CDK11B: variants seen among roughly 807,000 people sequenced by gnomAD.
CDK11B encodes the protein cyclin-dependent kinase 11B.
In CDK11B, 37 loss-of-function variants were observed where a neutral mutation model predicts 84.0. The observed-to-expected ratio is 0.44, with a 90% CI of 0.34 to 0.58. The LOEUF (loss-of-function observed/expected upper bound fraction) is 0.58. CDK11B is among the 20% of genes least tolerant of loss of function. CDK11B has a pLI of 0.02. For missense variants in CDK11B, 427 were observed against 834.0 expected (o/e 0.51, Z 6.01); for synonymous variants, 269 against 309.8 (o/e 0.87, Z 1.38).
At chr1:1,648,391 G>A (rs147390666) in intron 5 of CDK11B, among the ~76,000 whole-genome samples, 4,509 of 152,074 alleles carry the variant, frequency 0.03, 133 homozygotes, top group African/African-American at 0.1. Context: ...TGCTCACCCC[G>A]CAGCGGTCTC....
intron 3 of CDK11B, among the ~76,000 whole-genome samples, chr1:1,655,077 A>C (rs1642564477): frequency 6.6e-6 from 1 of 152,120 alleles, no homozygotes; most frequent in African/African-American, 2.4e-5. Context: ...GTGAGCCACC[A>C]CACCTGGCCT....
In CDK11B at chr1:1,641,414, C is replaced by T. The variant is rs1166780890; in HGVS notation, c.1009+248G>A. On this transcript the variant is annotated intron_variant, in intron 9 of 19. Coordinates refer to ENST00000341832, the MANE Select transcript of CDK11B (RefSeq NM_033486.3). ...CTCCCAGCTACTTGGGAGGCTGAGG[C>T]GGGAGGATCACTTGAACCCGGGAGG... Among the ~76,000 whole-genome samples, 5 of 147,856 alleles carry T rather than the reference C, an allele frequency of 3.4e-5. No individual in the cohort carries two copies. The South Asian group carries it at 6.4e-4, about 19-fold the overall frequency.
rs1317097195 is a variant in CDK11B, at chr1:1,636,340, T to G, written c.2059A>C (p.Met687Leu). 1 of 1,571,588 alleles carries G rather than the reference T, an allele frequency of 6.4e-7. No individual in the cohort carries two copies. The highest frequency in any genetic ancestry group is 2.4e-5 in the East Asian group (1 of 42,316). Residue 687 changes from methionine to leucine, a missense_variant, in exon 18 of 20, where the codon ATG becomes CTG. Around this residue, in one of 12 missense-constraint regions of CDK11B, gnomAD observed 170 missense variants for 196.0 expected, o/e 0.87. Transcript: ENST00000341832. ...ALLSDQGFDL[M>L]NKFLTYFPGR... Reference sequence around the variant, plus strand: ...CGGCTGCACTGGGCTCACTTGTTCATGAGGTCGAAGCCCTGGTCTGAGAGC... The same window carrying G: ...CGGCTGCACTGGGCTCACTTGTTCAGGAGGTCGAAGCCCTGGTCTGAGAGC...
chr1:1,637,025 C>T (rs1639429635), intron 15 of CDK11B, 21 bp from the exon 16 acceptor site: 1 of 1,612,932 alleles, frequency 6.2e-7, no homozygotes, highest in African/African-American at 1.3e-5. Flanking sequence ...AGATGGGCGG[C>T]TGTGAGTGGG....
chr1:1,649,439 AG>A, intron 5 of CDK11B, 59 bp downstream of exon 5: 1 of 1,258,128 alleles, frequency 7.9e-7, no homozygotes, highest in Non-Finnish European at 1.2e-6. Context: ...CTTCATTTCT[AG>A]GATGGGACAC....
chr1:1,639,309 C>G (rs1370966561), intron 11 of CDK11B, among the ~76,000 whole-genome samples: 1 of 151,764 alleles, frequency 6.6e-6, no homozygotes, highest in Non-Finnish European at 1.5e-5. Flanking sequence ...TCCAGCTACT[C>G]AGGAGGCTGA....
chr1:1,655,344 C>A (rs770831846), intron 3 of CDK11B, 25 bp downstream of exon 3: 28 of 1,611,234 alleles, frequency 1.7e-5, no homozygotes, highest in Non-Finnish European at 2.3e-5. Context: ...ACAGCTGGGT[C>A]TTGCACATCT....
Position 1,635,616 on chromosome 1 carries a change from T to A in CDK11B, c.*148A>T. 4.6e-6 allele frequency: 2 copies of A among 436,998 alleles called. 1 individual carries two copies. Among genetic ancestry groups the A allele is most frequent in the East Asian group, 1.0e-4 (2 of 20,020 alleles). The allele number at this position is 436,998 out of a possible 1,614,324, so 27.1% of individuals were successfully genotyped here. ...CTCCACAACAAGGAAAATGATTTAA[T>A]TCTACAAATTTACAAACCAAAATAC... On this transcript the variant is annotated 3_prime_UTR_variant, in exon 20 of 20. Coordinates refer to ENST00000341832, the MANE Select transcript of CDK11B (RefSeq NM_033486.3).
At position 1,648,322 on chromosome 1, in the gene CDK11B, C is replaced by T. The variant is rs940362081; in HGVS notation, c.494+1177G>A. On this transcript the variant is annotated intron_variant, in intron 5 of 19. Coordinates refer to ENST00000341832, the MANE Select transcript of CDK11B (RefSeq NM_033486.3). ...GACAAGACACACTCAATGTCTGGCACAGGGTGTGGCATACATGAATGTTTC... is the reference window on the plus strand; with the variant it reads ...GACAAGACACACTCAATGTCTGGCATAGGGTGTGGCATACATGAATGTTTC... Among the ~76,000 whole-genome samples, 6 of 152,226 alleles carry T rather than the reference C, an allele frequency of 3.9e-5. 1 individual carries two copies. The highest frequency in any genetic ancestry group is 1.4e-4 in the African/African-American group (6 of 41,436).
chr1:1,639,053 G>A (rs565200503), intron 11 of CDK11B, among the ~76,000 whole-genome samples: 1 of 149,218 alleles, frequency 6.7e-6, no homozygotes, highest in South Asian at 2.1e-4. Context: ...CGATTCTCCT[G>A]CCTCAGCCTC....
intron 5 of CDK11B, chr1:1,646,049 C>A (rs1361485654): frequency 2.2e-6 from 1 of 463,486 alleles, no homozygotes; most frequent in Admixed American, 2.4e-5. Flanking sequence ...AGGCTGGTTT[C>A]TAATATTTCT....
chr1:1,652,430 C>T lies in CDK11B; in HGVS notation c.355+9G>A. ...AACATGATGTCAAAGAAAGTAAATG[C>T]TTCTGTACCCCCTTCTGCTGAATGG... On this transcript the variant is annotated intron_variant, in intron 4 of 19. Transcript: ENST00000341832. 1.3e-6 allele frequency: 2 copies of T among 1,491,482 alleles called. No individual in the cohort carries two copies. The highest frequency in any genetic ancestry group is 2.8e-5 in the South Asian group (2 of 70,330). The allele number at this position is 1,491,482 out of a possible 1,614,324, so 92.4% of individuals were successfully genotyped here.
At chr1:1,653,843 C>T (rs1642350473) in intron 3 of CDK11B, among the ~76,000 whole-genome samples, 3 of 149,070 alleles carry the variant, frequency 2.0e-5, no homozygotes, top group Admixed American at 6.7e-5. Flanking sequence ...CACACACACA[C>T]ACACACACAC....
chr1:1,636,903 A>T lies in CDK11B; in HGVS notation c.1794T>A (p.Gly598=). Residue 598 remains glycine (G), a synonymous_variant, in exon 16 of 20, where the codon GGT becomes GGA. Coordinates refer to ENST00000341832, the MANE Select transcript of CDK11B (RefSeq NM_033486.3). ...LWYRAPELLL[G]AKEYSTAVDM... ...TCAGACGCCCAGGACTCACCTTGGC[A>T]CCAAGCAGCAGCTCTGGGGCGCGGT... 6.2e-7 allele frequency: 1 copy of T among 1,606,588 alleles called. No homozygotes were observed. Among genetic ancestry groups the T allele is most frequent in the Non-Finnish European group, 8.5e-7 (1 of 1,175,224 alleles).
In CDK11B at chr1:1,647,426, C is replaced by G. The variant is rs546408348; in HGVS notation, c.494+2073G>C. On this transcript the variant is annotated intron_variant, in intron 5 of 19. Coordinates refer to ENST00000341832, the MANE Select transcript of CDK11B (RefSeq NM_033486.3). ...CCTCACAGCTCGTGGCCACCCCGTT[C>G]CTTCCCACATGCCTATTTTAATTTT... Among the ~76,000 whole-genome samples the G allele has an allele frequency of 2.6e-5, 4 of 152,402 alleles. No homozygotes were observed. In the East Asian group the frequency reaches 7.7e-4, roughly 29 times the overall value.
chr1:1,638,937 ATTTTT>A (rs70937162), intron 11 of CDK11B, among the ~76,000 whole-genome samples: 1 of 119,436 alleles, frequency 8.4e-6, no homozygotes. Flanking sequence ...TCTGTTTTCT[ATTTTT>A]TTTTTTTTTT....
At chr1:1,640,217 C>T in intron 11 of CDK11B, 60 bp downstream of exon 11, 3 of 1,593,436 alleles carry the variant, frequency 1.9e-6, no homozygotes, top group Non-Finnish European at 2.6e-6. Context: ...TTCGCTCAGC[C>T]CCTGTGGTAA....
chr1:1,653,308 C>T (rs1312607587), intron 3 of CDK11B, among the ~76,000 whole-genome samples: 1 of 152,078 alleles, frequency 6.6e-6, no homozygotes, highest in Non-Finnish European at 1.5e-5. Context: ...CAGGTGTGAG[C>T]CACCGCACCC....
intron 5 of CDK11B, among the ~76,000 whole-genome samples, chr1:1,648,427 T>C (rs1360393317): frequency 6.6e-6 from 1 of 152,048 alleles, no homozygotes; most frequent in East Asian, 1.9e-4. Flanking sequence ...GGCCTCAGTG[T>C]CTCCCACACC....
Sources: allele counts gnomAD v4.1 joint callset (sites outside exome capture counted in the v4.1 genomes callset), GRCh38; gene constraint gnomAD v4.1.1; regional missense constraint gnomAD v4.1.1; transcripts MANE v1.5; gene names NCBI Gene and HGNC (gene_info 2026-07-23, HGNC 2026-07-21).